VEPH1: variants seen among roughly 807,000 people sequenced by gnomAD.
VEPH1 encodes the protein ventricular zone-expressed PH domain-containing protein homolog 1.
In VEPH1, 80 loss-of-function variants were observed where a neutral mutation model predicts 85.2. That is an observed-to-expected ratio of 0.94 (90% confidence interval 0.78 to 1.13). VEPH1 has a LOEUF of 1.13. Among genes scored for constraint, VEPH1 ranks in the 50% most tolerant of loss-of-function variants. VEPH1 has a pLI of 0.00. For missense variants in VEPH1, 955 were observed against 980.5 expected, an observed-to-expected ratio of 0.97 and a Z score of 0.35; for synonymous variants, 297 against 348.0, an observed-to-expected ratio of 0.85 and a Z score of 1.63.
intron 9 of VEPH1, among the ~76,000 whole-genome samples, chr3:157,341,856 G>A (rs1723602994): frequency 6.6e-6 from 1 of 152,052 alleles, no homozygotes; most frequent in Non-Finnish European, 1.5e-5. Flanking sequence ...CCAGAAGAGA[G>A]TGGGGGCCAA....
At chr3:157,426,806 CTTTT>C (rs532205431) in intron 5 of VEPH1, among the ~76,000 whole-genome samples, 4 of 116,228 alleles carry the variant, frequency 3.4e-5, no homozygotes, top group Admixed American at 9.2e-5. Flanking sequence ...AAATCTGTTG[CTTTT>C]TTTTTTTTTT....
At chr3:157,355,503 C>G (rs190119896) in intron 9 of VEPH1, among the ~76,000 whole-genome samples, 2 of 152,328 alleles carry the variant, frequency 1.3e-5, no homozygotes, top group Non-Finnish European at 2.9e-5. Context: ...GGCCCAACAC[C>G]AGGTGATTTG....
intron 11 of VEPH1, among the ~76,000 whole-genome samples, chr3:157,307,890 A>G (rs1037331167): frequency 6.6e-6 from 1 of 151,634 alleles, no homozygotes. Context: ...ATATTAAAAA[A>G]TTTTTTATCA....
intron 6 of VEPH1, among the ~76,000 whole-genome samples, chr3:157,401,265 A>C (rs1456108): frequency 6.6e-6 from 1 of 151,892 alleles, no homozygotes; most frequent in African/African-American, 2.4e-5. Flanking sequence ...TAAAAAGAGA[A>C]AGGCTGATTG....
chr3:157,438,014 A>G, intron 4 of VEPH1: 1 of 1,242,862 alleles, frequency 8.0e-7, no homozygotes, highest in South Asian at 1.4e-5. Flanking sequence ...GGAAGCTTTC[A>G]TGGGAAGCGC....
intron 5 of VEPH1, among the ~76,000 whole-genome samples, chr3:157,420,034 G>A (rs1466272107): frequency 6.6e-6 from 1 of 152,028 alleles, no homozygotes; most frequent in Non-Finnish European, 1.5e-5. Flanking sequence ...GACATGGATG[G>A]AGCTGGAAGC....
chr3:157,270,806 T>G (rs560307334), intron 12 of VEPH1, among the ~76,000 whole-genome samples: 2 of 152,058 alleles, frequency 1.3e-5, no homozygotes, highest in Admixed American at 6.5e-5. Flanking sequence ...AGGGAAGATA[T>G]GGCATTTTAC....
chr3:157,500,774 T>C lies in VEPH1; in HGVS notation c.-158+2503A>G, dbSNP rs375423211. 3.3e-5 allele frequency among the ~76,000 whole-genome samples: 5 copies of C among 152,154 alleles called. No individual in the cohort carries two copies. The East Asian group carries it at 9.6e-4, about 29-fold the overall frequency. ...GTGTAGAGTCCTGAATTGGACACTC[T>C]ATGGAACTCCAGTAAGAAGAGCAGA... On this transcript the variant is annotated intron_variant, in intron 1 of 13. Transcript: ENST00000362010.
At chr3:157,290,554 C>G (rs936323498) in intron 11 of VEPH1, among the ~76,000 whole-genome samples, 10 of 152,154 alleles carry the variant, frequency 6.6e-5, no homozygotes, top group Non-Finnish European at 1.5e-4. Context: ...AGTGATGATT[C>G]TACTTAGAGG....
chr3:157,286,711 G>T (rs1297247420), intron 11 of VEPH1, 37 bp from the exon 12 acceptor site: 3 of 1,514,162 alleles, frequency 2.0e-6, no homozygotes, highest in Non-Finnish European at 2.8e-6. Context: ...AACATAAGCT[G>T]CTCTGCCTGC....
At chr3:157,465,758 G>C (rs758197075) in intron 3 of VEPH1, among the ~76,000 whole-genome samples, 54 of 152,184 alleles carry the variant, frequency 3.5e-4, no homozygotes, top group African/African-American at 1.3e-3. Context: ...AGGAACAGCA[G>C]GTCCTTCTAT....
At chr3:157,446,928 A>G (rs1277859897) in intron 4 of VEPH1, among the ~76,000 whole-genome samples, 1 of 152,200 alleles carries the variant, frequency 6.6e-6, no homozygotes, top group African/African-American at 2.4e-5. Flanking sequence ...TATGAGTCTC[A>G]AATTAGTCAG....
rs748160067 is a variant in VEPH1 at position 157,460,360 on chromosome 3, G to T, written c.355-5C>A. On this transcript the variant is annotated splice_polypyrimidine_tract_variant and splice_region_variant and intron_variant, in intron 3 of 13. Coordinates refer to ENST00000362010, the MANE Select transcript of VEPH1 (RefSeq NM_001167912.2). Reference sequence around the variant, plus strand: ...CACTGGGGGTCGGTTGTAATTCTGAGGAAATATAAGAAAGCCACAAATAAT... The same window carrying T: ...CACTGGGGGTCGGTTGTAATTCTGATGAAATATAAGAAAGCCACAAATAAT... The T allele has an allele frequency of 8.8e-6, 14 of 1,598,800 alleles. No homozygotes were observed. The highest frequency in any genetic ancestry group is 1.3e-5 in the African/African-American group (1 of 74,284).
intron 12 of VEPH1, among the ~76,000 whole-genome samples, chr3:157,284,671 A>G (rs1448306550): frequency 1.3e-5 from 2 of 151,274 alleles, no homozygotes. Context: ...TTTTGGTGAA[A>G]AAAAAAAAAA....
At chr3:157,422,263 G>A (rs1399312846) in intron 5 of VEPH1, among the ~76,000 whole-genome samples, 1 of 152,158 alleles carries the variant, frequency 6.6e-6, no homozygotes, top group Non-Finnish European at 1.5e-5. Context: ...GGACATGAAA[G>A]TTGAAAGGCT....
rs1735764631 is a variant in VEPH1, at chr3:157,460,459, C to T, written c.355-104G>A. The T allele has an allele frequency of 5.1e-6, 7 of 1,384,708 alleles. No individual in the cohort carries two copies. In the Admixed American group the frequency reaches 1.0e-4, roughly 20 times the overall value. The allele number at this position is 1,384,708 out of a possible 1,614,324, so 85.8% of individuals were successfully genotyped here. A position where few individuals can be genotyped will look rare whatever the true frequency, so the allele number is the denominator to read the frequency against. On this transcript the variant is annotated intron_variant, in intron 3 of 13. Transcript: ENST00000362010. ...TTTATTGGATTAAGCTACCAGAGTACAGCTGTGAAAACACAGGCCTTGCCC... is the reference window on the plus strand; with the variant it reads ...TTTATTGGATTAAGCTACCAGAGTATAGCTGTGAAAACACAGGCCTTGCCC...
At chr3:157,475,799 G>C (rs532169869) in intron 2 of VEPH1, among the ~76,000 whole-genome samples, 2 of 152,200 alleles carry the variant, frequency 1.3e-5, no homozygotes, top group Non-Finnish European at 2.9e-5. Flanking sequence ...AGACAAAAAT[G>C]AGAGAACATT....
At chr3:157,262,575 T>C (rs760643059) in intron 13 of VEPH1, among the ~76,000 whole-genome samples, 1 of 152,116 alleles carries the variant, frequency 6.6e-6, no homozygotes, top group Non-Finnish European at 1.5e-5. Context: ...AACACTTCTA[T>C]TTAAAAAAGA....
chr3:157,421,422 T>G (rs1195240914), intron 5 of VEPH1, among the ~76,000 whole-genome samples: 2 of 152,170 alleles, frequency 1.3e-5, no homozygotes, highest in Non-Finnish European at 2.9e-5. Context: ...CAGGAATGCT[T>G]TAATGCAGGC....
Sources: gnomAD v4.1 joint callset for allele counts (sites outside exome capture counted in the v4.1 genomes callset) on GRCh38, gnomAD v4.1.1 for gene constraint, MANE v1.5 for transcripts, NCBI Gene and HGNC (gene_info 2026-07-23, HGNC 2026-07-21) for gene names.